The following UNC5D variants were observed in gnomAD, a reference collection of about 807,000 sequenced individuals.
UNC5D encodes unc-5 netrin receptor D.
Under a neutral mutation model 105.4 loss-of-function variants are expected in UNC5D, and 39 were observed. The observed-to-expected ratio is 0.37, with a 90% CI of 0.29 to 0.48. The LOEUF (loss-of-function observed/expected upper bound fraction) is 0.48. Ranked by LOEUF, UNC5D falls within the 20% of genes least tolerant of loss-of-function variation. UNC5D has a pLI of 0.98. For synonymous variants in UNC5D, 452 were observed against 450.4 expected (o/e 1.00, Z -0.04); for missense variants, 991 against 1,202.4 (o/e 0.82, Z 2.60).
chr8:35,645,987 C>T (rs1463308709), intron 4 of UNC5D, among the ~76,000 whole-genome samples: 1 of 152,084 alleles, frequency 6.6e-6, no homozygotes, highest in Non-Finnish European at 1.5e-5. Flanking sequence ...ACTAATATTT[C>T]TATCTGTTAA....
In UNC5D at chr8:35,345,303, G is replaced by A. The variant is rs566262564; in HGVS notation, c.103+109416G>A. On this transcript the variant is annotated intron_variant, in intron 1 of 16. Transcript: ENST00000404895. ...TTCCATGACCCCTTTTGCTTGCATC[G>A]GCAGAGAAAATAACACAAAATAGCA... Among the ~76,000 whole-genome samples, 18 of 151,556 alleles carry A rather than the reference G, an allele frequency of 1.2e-4. No individual in the cohort carries two copies. The East Asian group carries it at 2.3e-3, about 20-fold the overall frequency.
At chr8:35,264,452 G>T (rs546604415) in intron 1 of UNC5D, among the ~76,000 whole-genome samples, 2 of 152,310 alleles carry the variant, frequency 1.3e-5, no homozygotes, top group South Asian at 4.1e-4. Context: ...ATTTGACCGG[G>T]TGCAGTGGCT....
chr8:35,419,882 G>A (rs1805777549), intron 1 of UNC5D, among the ~76,000 whole-genome samples: 1 of 152,118 alleles, frequency 6.6e-6, no homozygotes, highest in Admixed American at 6.5e-5. Flanking sequence ...TTGAATGACA[G>A]AACAGCTCTC....
At chr8:35,271,728 TG>T (rs1805399604) in intron 1 of UNC5D, among the ~76,000 whole-genome samples, 3 of 120,274 alleles carry the variant, frequency 2.5e-5, no homozygotes, top group Non-Finnish European at 3.5e-5. Context: ...CATGTATACA[TG>T]TATACATATA....
chr8:35,694,847 C>G (rs1436338755), intron 7 of UNC5D, among the ~76,000 whole-genome samples: 2 of 152,004 alleles, frequency 1.3e-5, no homozygotes, highest in Non-Finnish European at 2.9e-5. Flanking sequence ...TCCCAAAGTG[C>G]TAGGATAACA....
intron 4 of UNC5D, among the ~76,000 whole-genome samples, chr8:35,681,497 A>G (rs147746832): frequency 4.5e-3 from 690 of 152,306 alleles, no homozygotes; most frequent in African/African-American, 0.014. Flanking sequence ...TGAAATATGC[A>G]ATGGTAGTAG....
rs1374521858 is a variant in UNC5D, at chr8:35,789,161, A to ATG, written c.2658-1197_2658-1196insGT. Among the ~76,000 whole-genome samples, 48 of 89,828 alleles carry ATG rather than the reference A, an allele frequency of 5.3e-4. 1 individual carries two copies. Among genetic ancestry groups the ATG allele is most frequent in the African/African-American group, 2.2e-3 (48 of 21,848 alleles). 58.9% of individuals were successfully genotyped at this position (89,828 alleles called of 152,430 possible). On this transcript the variant is annotated intron_variant, in intron 16 of 16. Transcript: ENST00000404895. ...ACTATATATATATATATATATATAT[A>ATG]TATATATATATATATATATATATAT... is the stretch of plus-strand genomic sequence containing the variant.
At chr8:35,284,577 C>A (rs772035260) in intron 1 of UNC5D, among the ~76,000 whole-genome samples, 1 of 151,992 alleles carries the variant, frequency 6.6e-6, no homozygotes, top group East Asian at 1.9e-4. Context: ...TTCTTTTTGA[C>A]GGAGTCTCAC....
At chr8:35,292,167 C>G (rs2950931) in intron 1 of UNC5D, among the ~76,000 whole-genome samples, 1 of 152,134 alleles carries the variant, frequency 6.6e-6, no homozygotes, top group Non-Finnish European at 1.5e-5. Context: ...TGATACAGTT[C>G]GATTTTCCCA....
chr8:35,633,845 T>C (rs1457521697), intron 4 of UNC5D, among the ~76,000 whole-genome samples: 1 of 152,162 alleles, frequency 6.6e-6, no homozygotes, highest in Non-Finnish European at 1.5e-5. Flanking sequence ...CAGGCAGGGA[T>C]GTGGTATCAC....
At chr8:35,544,733 G>A (rs1185211169) in intron 1 of UNC5D, among the ~76,000 whole-genome samples, 1 of 150,944 alleles carries the variant, frequency 6.6e-6, no homozygotes, top group African/African-American at 2.4e-5. Flanking sequence ...CTCCTGAGTA[G>A]CTGGGATTAC....
intron 1 of UNC5D, among the ~76,000 whole-genome samples, chr8:35,283,331 G>A (rs1806334330): frequency 1.3e-5 from 2 of 152,040 alleles, no homozygotes; most frequent in South Asian, 4.1e-4. Flanking sequence ...TCAATATTTA[G>A]CAGGCCACTT....
chr8:35,480,211 G>A (rs377105710), intron 1 of UNC5D, among the ~76,000 whole-genome samples: 75 of 152,224 alleles, frequency 4.9e-4, no homozygotes, highest in African/African-American at 1.8e-3. Flanking sequence ...ACAGTATATG[G>A]TTCCATTGCC....
At chr8:35,525,705 C>A (rs1214682738) in intron 1 of UNC5D, 1 of 1,595,768 alleles carries the variant, frequency 6.3e-7, no homozygotes, top group Non-Finnish European at 8.5e-7. Context: ...CTGCTCCTGG[C>A]ACGTCCGGCA....
At chr8:35,675,942 GT>G (rs1460867506) in intron 4 of UNC5D, among the ~76,000 whole-genome samples, 16 of 151,714 alleles carry the variant, frequency 1.1e-4, no homozygotes, top group Non-Finnish European at 2.1e-4. Flanking sequence ...AAAGATCAGA[GT>G]AAGTGACATA....
intron 1 of UNC5D, among the ~76,000 whole-genome samples, chr8:35,384,404 C>T (rs1024235857): frequency 6.6e-5 from 10 of 152,230 alleles, no homozygotes; most frequent in Admixed American, 1.3e-4. Flanking sequence ...CATTCTAACA[C>T]GTCTGGTCCA....
At chr8:35,638,944 T>C (rs1287872231) in intron 4 of UNC5D, among the ~76,000 whole-genome samples, 1 of 152,230 alleles carries the variant, frequency 6.6e-6, no homozygotes, top group Non-Finnish European at 1.5e-5. Context: ...AAATAAGTTA[T>C]ACCTACATTG....
intron 1 of UNC5D, among the ~76,000 whole-genome samples, chr8:35,433,710 A>G (rs1230348073): frequency 6.6e-6 from 1 of 151,876 alleles, no homozygotes; most frequent in Non-Finnish European, 1.5e-5. Context: ...TTGGCCAGGC[A>G]TGGTGGCACA....
At chr8:35,581,440 T>C (rs1818464499) in intron 3 of UNC5D, among the ~76,000 whole-genome samples, 1 of 152,120 alleles carries the variant, frequency 6.6e-6, no homozygotes. Context: ...ACTTTTTTGG[T>C]TTTCACTCCA....
Sources: gnomAD v4.1 joint callset for allele counts (sites outside exome capture counted in the v4.1 genomes callset) on GRCh38, gnomAD v4.1.1 for gene constraint, MANE v1.5 for transcripts, NCBI Gene and HGNC (gene_info 2026-07-23, HGNC 2026-07-21) for gene names.